Variants in CLCA4 observed in about 807,000 individuals in gnomAD.
The protein encoded by CLCA4 is chloride channel accessory 4, also known as calcium-activated chloride channel regulator 4.
Under a neutral mutation model 78.9 loss-of-function variants are expected in CLCA4, and 69 were observed. The observed-to-expected ratio is 0.87, with a 90% CI of 0.72 to 1.07. The LOEUF (loss-of-function observed/expected upper bound fraction) is 1.07. CLCA4 is among the 50% of genes least tolerant of loss of function. CLCA4 has a pLI of 0.00. For missense variants in CLCA4, 1,133 were observed against 1,095.8 expected (o/e 1.03, Z -0.48); for synonymous variants, 362 against 375.8 (o/e 0.96, Z 0.42).
In CLCA4 at chr1:86,565,556, G is replaced by A. The variant is rs540067219; in HGVS notation, c.735+105G>A. The stretch of plus-strand genomic sequence containing the variant: ...CCTGAGGATTATATATATTGATATA[G>A]AGTTCTTTGAACACTGGCTAACACA... On this transcript the variant is annotated intron_variant, in intron 5 of 13. Transcript: ENST00000370563. The A allele has an allele frequency of 5.5e-6, 5 of 907,738 alleles. No individual in the cohort carries two copies. The African/African-American group carries it at 8.3e-5, about 15-fold the overall frequency. 56.2% of individuals were successfully genotyped at this position (907,738 alleles called of 1,614,324 possible).
In CLCA4 at chr1:86,560,280, T is replaced by A; in HGVS notation, c.370T>A (p.Cys124Ser). 1 of 1,614,080 alleles carries A rather than the reference T, an allele frequency of 6.2e-7. No individual in the cohort carries two copies. The highest frequency in any genetic ancestry group is 1.3e-5 in the African/African-American group (1 of 75,034). The change falls in exon 3 of 14, where the codon TGT becomes AGT. Residue 124 changes from cysteine (C) to serine (S), a missense_variant. Cys to Ser is a moderately radical substitution (Grantham distance 112). Transcript: ENST00000370563. Reference protein sequence around the residue: ...DEPYTKQFTECGEKGEYIHFT... With the variant: ...DEPYTKQFTESGEKGEYIHFT... Reference sequence around the variant, plus strand: ...ACCATACACCAAGCAGTTCACAGAATGTGGAGAGAAAGGCGAATACATTCA... The same window carrying A: ...ACCATACACCAAGCAGTTCACAGAAAGTGGAGAGAAAGGCGAATACATTCA...
chr1:86,548,335 T>C (rs910880380), intron 1 of CLCA4, among the ~76,000 whole-genome samples: 18 of 152,202 alleles, frequency 1.2e-4, no homozygotes, highest in African/African-American at 4.3e-4. Flanking sequence ...TCTTGTATAT[T>C]CTGGATAATA....
rs1301014863 is a variant in CLCA4, at chr1:86,575,436, G to A, written c.1788G>A (p.Val596=). 1.9e-6 allele frequency: 3 copies of A among 1,613,348 alleles called. No individual in the cohort carries two copies. Among genetic ancestry groups the A allele is most frequent in the Non-Finnish European group, 2.5e-6 (3 of 1,179,626 alleles). ...AANSSVPPIT[V]NAKMNKDVNS... is the part of the protein sequence containing the mutation. ...ATTCTTCTGTGCCTCCAATCACAGT[G>A]AATGCTAAAATGAATAAGGACGTAA... Residue 596 remains valine, a synonymous_variant, in exon 11 of 14, where the codon GTG becomes GTA. Coordinates refer to ENST00000370563, the MANE Select transcript of CLCA4 (RefSeq NM_012128.4).
intron 1 of CLCA4, 123 bp from the exon 2 acceptor site, chr1:86,559,809 C>A (rs904125610): frequency 7.0e-6 from 5 of 719,120 alleles, no homozygotes; most frequent in Admixed American, 2.7e-5. Flanking sequence ...GAGACAGAGA[C>A]CCTACTCATC....
chr1:86,568,938 C>A lies in CLCA4; in HGVS notation c.1182+1287C>A, dbSNP rs563366784. Among the ~76,000 whole-genome samples the A allele has an allele frequency of 7.2e-5, 11 of 152,082 alleles. No homozygotes were observed. In the South Asian group the frequency reaches 2.3e-3, roughly 32 times the overall value. On this transcript the variant is annotated intron_variant, in intron 7 of 13. Transcript: ENST00000370563. Reference sequence around the variant, plus strand: ...CGATTGTCACTTATCAGGTTTGTGACCCTAAACATGATTCTTATCCTCTCT... The same window carrying A: ...CGATTGTCACTTATCAGGTTTGTGAACCTAAACATGATTCTTATCCTCTCT...
At position 86,563,756 on chromosome 1, in the gene CLCA4, A is replaced by G. The variant is rs776862060; in HGVS notation, c.544A>G (p.Ile182Val). ...TTTCTACCGTGCTAAGTCAAAAAAA[A>G]TCGAAGCAACAAGGCATGGCTATTT... ...QPFYRAKSKK[I>V]EATRCSAGIS... The change falls in exon 4 of 14, where the codon ATC (isoleucine) becomes GTC (valine). Residue 182 changes from isoleucine (I) to valine (V), a missense_variant. Physicochemically the swap from Ile to Val is conservative, Grantham distance 29. Transcript: ENST00000370563. The G allele has an allele frequency of 2.5e-6, 4 of 1,598,870 alleles. No homozygotes were observed. Among genetic ancestry groups the G allele is most frequent in the Non-Finnish European group, 3.4e-6 (4 of 1,168,932 alleles).
At chr1:86,573,920 G>A (rs938946669) in intron 9 of CLCA4, among the ~76,000 whole-genome samples, 6 of 151,962 alleles carry the variant, frequency 3.9e-5, no homozygotes, top group Admixed American at 3.9e-4. Context: ...ATCACTAAGT[G>A]GATTTTATGC....
chr1:86,550,707 A>T (rs1649628004), intron 1 of CLCA4, among the ~76,000 whole-genome samples: 1 of 152,032 alleles, frequency 6.6e-6, no homozygotes, highest in South Asian at 2.1e-4. Flanking sequence ...ATGCCACTGC[A>T]TTCCAGCCTG....
At chr1:86,551,729 G>A (rs1649669696) in intron 1 of CLCA4, among the ~76,000 whole-genome samples, 1 of 152,208 alleles carries the variant, frequency 6.6e-6, no homozygotes, top group South Asian at 2.1e-4. Flanking sequence ...AAGGCACCAC[G>A]GAGGGTCTCT....
chr1:86,566,247 C>T (rs772602), intron 6 of CLCA4, among the ~76,000 whole-genome samples: 82,886 of 151,764 alleles, frequency 0.55, 23,964 homozygotes, highest in East Asian at 0.72. Context: ...TGGATTCCTC[C>T]AGAAAATGGA....
At position 86,565,866 on chromosome 1, in the gene CLCA4, G is replaced by A. The variant is rs754154848; in HGVS notation, c.800G>A (p.Cys267Tyr). 1 of 1,606,232 alleles carries A rather than the reference G, an allele frequency of 6.2e-7. No individual in the cohort carries two copies. The highest frequency in any genetic ancestry group is 1.1e-5 in the South Asian group (1 of 89,844). The change falls in exon 6 of 14, where the codon TGC becomes TAC. Residue 267 changes from cysteine to tyrosine, a missense_variant. By Grantham distance (194) the Cys-to-Tyr change is radical. Coordinates refer to ENST00000370563, the MANE Select transcript of CLCA4 (RefSeq NM_012128.4). ...GCTCCAAGCCTACAAAACATAAAGTGCAATTTTAGAAGTACATGGGAGGTG... is the reference window on the plus strand; with the variant it reads ...GCTCCAAGCCTACAAAACATAAAGTACAATTTTAGAAGTACATGGGAGGTG... Reference protein sequence around the residue: ...QEAPSLQNIKCNFRSTWEVIS... With the variant: ...QEAPSLQNIKYNFRSTWEVIS...
chr1:86,548,351 T>C (rs1021958788), intron 1 of CLCA4, among the ~76,000 whole-genome samples: 3 of 152,124 alleles, frequency 2.0e-5, no homozygotes, highest in African/African-American at 7.2e-5. Flanking sequence ...TAATAATCCA[T>C]TGTTGGATGA....
At chr1:86,553,513 G>C (rs539619927) in intron 1 of CLCA4, among the ~76,000 whole-genome samples, 1 of 152,198 alleles carries the variant, frequency 6.6e-6, no homozygotes, top group African/African-American at 2.4e-5. Context: ...CTGCTCAGCC[G>C]ACGCCACCGC....
intron 11 of CLCA4, among the ~76,000 whole-genome samples, chr1:86,576,228 A>G (rs1197815839): frequency 6.6e-6 from 1 of 152,008 alleles, no homozygotes; most frequent in Admixed American, 6.6e-5. Flanking sequence ...CAGTAGCACC[A>G]TTTCAGCTCA....
rs768069497 is a variant in CLCA4, at chr1:86,575,495, A to G, written c.1847A>G (p.Glu616Gly). ...CCCAGCCCAATGATTGTTTACGCAG[A>G]AATTCTACAAGGATATGTACCTGTT... is the stretch of plus-strand genomic sequence containing the variant. ...SFPSPMIVYA[E>G]ILQGYVPVLG... Residue 616 changes from glutamate to glycine, a missense_variant, in exon 11 of 14, where the codon GAA becomes GGA. Transcript: ENST00000370563. The G allele has an allele frequency of 6.2e-7, 1 of 1,613,538 alleles. No homozygotes were observed. Among genetic ancestry groups the G allele is most frequent in the Admixed American group, 1.7e-5 (1 of 59,950 alleles).
At chr1:86,567,933 C>T (rs959841145) in intron 7 of CLCA4, among the ~76,000 whole-genome samples, 2 of 151,818 alleles carry the variant, frequency 1.3e-5, no homozygotes, top group African/African-American at 4.8e-5. Context: ...AGTCAGTGCT[C>T]GATAAATGTT....
At chr1:86,549,982 A>T (rs1405694329) in intron 1 of CLCA4, among the ~76,000 whole-genome samples, 1 of 152,228 alleles carries the variant, frequency 6.6e-6, no homozygotes, top group East Asian at 1.9e-4. Flanking sequence ...CAAATATAAC[A>T]TTCTATGTAA....
At chr1:86,572,554 C>T in intron 8 of CLCA4, 60 bp from the exon 9 acceptor site, 1 of 984,262 alleles carries the variant, frequency 1.0e-6, no homozygotes, top group South Asian at 1.4e-5. Context: ...GCTTAATAAT[C>T]ACTAAAATAT....
rs1319917270 is a variant in CLCA4 at position 86,579,453 on chromosome 1, T to C, written c.2222T>C (p.Val741Ala). ...SRTASGGAFV[V>A]SQVPSLPLPD... ...ACAGCATCCGGAGGTGCATTTGTGG[T>C]ATCACAAGTCCCAAGCCTTCCCTTG... is the stretch of plus-strand genomic sequence containing the variant. Residue 741 changes from valine (V) to alanine (A), a missense_variant, in exon 13 of 14, where the codon GTA (valine) becomes GCA (alanine). Physicochemically the swap from Val to Ala is moderately conservative, Grantham distance 64 (BLOSUM62 0). Transcript: ENST00000370563. 2 of 1,613,190 alleles carry C rather than the reference T, an allele frequency of 1.2e-6. No individual in the cohort carries two copies. Among genetic ancestry groups the C allele is most frequent in the Non-Finnish European group, 1.7e-6 (2 of 1,179,542 alleles).
Sources: allele counts gnomAD v4.1 joint callset (sites outside exome capture counted in the v4.1 genomes callset), GRCh38; gene constraint gnomAD v4.1.1; transcripts MANE v1.5; gene names NCBI Gene and HGNC (gene_info 2026-07-23, HGNC 2026-07-21).